DDX10: variants seen among roughly 807,000 people sequenced by gnomAD.
The protein encoded by DDX10 is DEAD-box helicase 10, also known as probable ATP-dependent RNA helicase DDX10.
DDX10 carries 74 observed loss-of-function variants against 104.3 expected under a neutral mutation model. That is an observed-to-expected ratio of 0.71 (90% CI 0.59 to 0.86). The LOEUF (loss-of-function observed/expected upper bound fraction) is 0.86. DDX10 is among the 40% of genes least tolerant of loss of function. The pLI is 0.00. For missense variants in DDX10, 952 were observed against 1,040.0 expected, an observed-to-expected ratio of 0.92 and a Z score of 1.16; for synonymous variants, 351 against 353.4, an observed-to-expected ratio of 0.99 and a Z score of 0.08.
At chr11:108,668,714 T>A (rs1233723460) in intron 1 of DDX10, among the ~76,000 whole-genome samples, 1 of 151,906 alleles carries the variant, frequency 6.6e-6, no homozygotes, top group Non-Finnish European at 1.5e-5. Context: ...CGGGTGTGAG[T>A]ATATATGGAA....
intron 17 of DDX10, among the ~76,000 whole-genome samples, chr11:108,931,479 T>G (rs1863974627): frequency 6.6e-6 from 1 of 152,198 alleles, no homozygotes; most frequent in Admixed American, 6.5e-5. Flanking sequence ...AAATGACATA[T>G]TTAATAACAG....
chr11:108,722,279 A>G (rs940450144), intron 12 of DDX10, among the ~76,000 whole-genome samples: 3 of 152,290 alleles, frequency 2.0e-5, no homozygotes, highest in African/African-American at 7.2e-5. Flanking sequence ...ATTCAGAGCA[A>G]TCCTTGATAA....
intron 13 of DDX10, among the ~76,000 whole-genome samples, chr11:108,805,130 A>T (rs973659106): frequency 4.6e-5 from 7 of 152,256 alleles, no homozygotes; most frequent in Non-Finnish European, 7.3e-5. Context: ...TCAAGTGATT[A>T]CAAATGGTAT....
At chr11:108,691,162 A>G (rs986755046) in intron 7 of DDX10, among the ~76,000 whole-genome samples, 2 of 152,234 alleles carry the variant, frequency 1.3e-5, no homozygotes, top group South Asian at 2.1e-4. Context: ...AAAATTGAAG[A>G]GAGACTTTAA....
chr11:108,765,654 T>C (rs2094355587), intron 13 of DDX10, among the ~76,000 whole-genome samples: 1 of 152,228 alleles, frequency 6.6e-6, no homozygotes, highest in Non-Finnish European at 1.5e-5. Context: ...GCAAAATACA[T>C]GGCTAACCAT....
At chr11:108,803,236 G>A (rs1862048769) in intron 13 of DDX10, among the ~76,000 whole-genome samples, 1 of 151,350 alleles carries the variant, frequency 6.6e-6, no homozygotes, top group Admixed American at 6.6e-5. Flanking sequence ...TTCCACCCAG[G>A]TGAATAATAT....
intron 13 of DDX10, among the ~76,000 whole-genome samples, chr11:108,776,685 C>T (rs1051974916): frequency 5.3e-5 from 8 of 151,994 alleles, no homozygotes; most frequent in African/African-American, 9.7e-5. Context: ...TTAAAAACTC[C>T]GAGGGTTTTC....
At chr11:108,905,914 C>T (rs1863590100) in intron 16 of DDX10, among the ~76,000 whole-genome samples, 1 of 152,020 alleles carries the variant, frequency 6.6e-6, no homozygotes, top group South Asian at 2.1e-4. Context: ...TCTAAACCAC[C>T]AGATATCGCA....
chr11:108,887,054 G>A (rs1046288927), intron 16 of DDX10, among the ~76,000 whole-genome samples: 2 of 152,056 alleles, frequency 1.3e-5, no homozygotes, highest in Non-Finnish European at 2.9e-5. Context: ...TATATTATAT[G>A]AAAACACTAG....
At chr11:108,775,791 A>G (rs985595448) in intron 13 of DDX10, among the ~76,000 whole-genome samples, 12 of 152,214 alleles carry the variant, frequency 7.9e-5, no homozygotes, top group African/African-American at 2.7e-4. Flanking sequence ...ATATAGCCAC[A>G]TATTTTAAGC....
chr11:108,930,887 C>CT (rs1171361861), intron 17 of DDX10, among the ~76,000 whole-genome samples: 1 of 152,152 alleles, frequency 6.6e-6, no homozygotes, highest in African/African-American at 2.4e-5. Flanking sequence ...TTCTCAGCCT[C>CT]TCAAAGTGAA....
intron 16 of DDX10, among the ~76,000 whole-genome samples, chr11:108,900,094 A>T (rs2134647696): frequency 6.6e-6 from 1 of 151,588 alleles, no homozygotes; most frequent in Admixed American, 6.6e-5. Flanking sequence ...CCTGGACAGC[A>T]AGAGCAAAAC....
At chr11:108,778,295 ACTACAAGG>A (rs2094372873) in intron 13 of DDX10, among the ~76,000 whole-genome samples, 1 of 152,234 alleles carries the variant, frequency 6.6e-6, no homozygotes, top group Non-Finnish European at 1.5e-5. Context: ...TTCAAACTAT[ACTACAAGG>A]CTACAGTAAC....
intron 13 of DDX10, among the ~76,000 whole-genome samples, chr11:108,802,010 GGTGT>G (rs111450290): frequency 4.9e-5 from 7 of 141,944 alleles, no homozygotes; most frequent in African/African-American, 1.5e-4. Flanking sequence ...AAGTGAGTGG[GGTGT>G]GTGTGTGTGT....
intron 13 of DDX10, among the ~76,000 whole-genome samples, chr11:108,783,858 C>G (rs1245358479): frequency 6.6e-6 from 1 of 152,076 alleles, no homozygotes; most frequent in Admixed American, 6.5e-5. Context: ...TTGTTCTCAT[C>G]GTTATGTCTG....
At chr11:108,714,842 A>G (rs2094289263) in intron 10 of DDX10, among the ~76,000 whole-genome samples, 1 of 152,106 alleles carries the variant, frequency 6.6e-6, no homozygotes, top group Non-Finnish European at 1.5e-5. Flanking sequence ...GAGGATGTAG[A>G]AGAGACAAAA....
intron 2 of DDX10, among the ~76,000 whole-genome samples, chr11:108,675,254 T>C (rs1057467788): frequency 6.6e-6 from 1 of 152,226 alleles, no homozygotes; most frequent in Admixed American, 6.5e-5. Context: ...GTAGTGGTTT[T>C]ATTAATAAAC....
chr11:108,715,778 T>C, intron 10 of DDX10, 101 bp from the exon 11 acceptor site: 1 of 652,490 alleles, frequency 1.5e-6, no homozygotes, highest in Non-Finnish European at 2.7e-6. Context: ...GAAATAGTTA[T>C]ACATTTAAAA....
intron 7 of DDX10, chr11:108,690,172 A>C (rs1397198031): frequency 1.3e-5 from 2 of 152,220 alleles, no homozygotes; most frequent in Admixed American, 1.3e-4. Flanking sequence ...CCAACAACAA[A>C]ACAATAAACT....
Sources: allele counts gnomAD v4.1 joint callset (sites outside exome capture counted in the v4.1 genomes callset), GRCh38; gene constraint gnomAD v4.1.1; transcripts MANE v1.5; gene names NCBI Gene and HGNC (gene_info 2026-07-23, HGNC 2026-07-21).